Variants in MTAP observed in about 807,000 individuals in gnomAD.
The protein encoded by MTAP is S-methyl-5'-thioadenosine phosphorylase.
Under a neutral mutation model 33.6 loss-of-function variants are expected in MTAP, and 33 were observed. The observed-to-expected ratio is 0.98, with a 90% CI of 0.74 to 1.31. The LOEUF is 1.31. Among genes scored for constraint, MTAP ranks in the 40% most tolerant of loss-of-function variants. The pLI, the probability that MTAP is intolerant of heterozygous loss-of-function variation, is 0.00. For missense variants in MTAP, 367 were observed against 360.0 expected (o/e 1.02, Z -0.16); for synonymous variants, 148 against 125.7 (o/e 1.18, Z -1.19).
chr9:21,898,623 C>T (rs1441328308), intron 1 of MTAP, among the ~76,000 whole-genome samples: 5 of 152,156 alleles, frequency 3.3e-5, no homozygotes, highest in Admixed American at 2.0e-4. Flanking sequence ...CCAACAGACA[C>T]ATGAAAAAAT....
intron 7 of MTAP, chr9:21,861,350 T>TATAC (rs1825748907): frequency 6.6e-6 from 1 of 152,368 alleles, no homozygotes; most frequent in African/African-American, 2.4e-5. Flanking sequence ...TACATACATA[T>TATAC]ACACACACAC....
At chr9:21,867,637 G>C (rs1273422150), downstream of MTAP, among the ~76,000 whole-genome samples, 1 of 151,882 alleles carries the variant, frequency 6.6e-6, no homozygotes, top group East Asian at 1.9e-4. Context: ...AGTCTTGTCA[G>C]GTGTCAGGGC....
chr9:21,820,863 A>C (rs979359318), intron 4 of MTAP, among the ~76,000 whole-genome samples: 1 of 152,098 alleles, frequency 6.6e-6, no homozygotes, highest in Non-Finnish European at 1.5e-5. Context: ...TTGGATTCCT[A>C]GGTATTTTAT....
At chr9:21,818,483 A>G (rs1010099256) in intron 4 of MTAP, among the ~76,000 whole-genome samples, 1 of 151,876 alleles carries the variant, frequency 6.6e-6, no homozygotes, top group Non-Finnish European at 1.5e-5. Flanking sequence ...ACATGCCACA[A>G]TGCCCAGCTA....
downstream of MTAP, among the ~76,000 whole-genome samples, chr9:21,870,278 C>G (rs111427025): frequency 2.0e-5 from 3 of 152,318 alleles, no homozygotes; most frequent in African/African-American, 7.2e-5. Flanking sequence ...CCTACTTACT[C>G]TAGTATTTGT....
chr9:21,834,145 A>T (rs1825043194), intron 4 of MTAP, among the ~76,000 whole-genome samples: 2 of 152,238 alleles, frequency 1.3e-5, no homozygotes. Context: ...CATATTTTCC[A>T]TAAATGATAG....
rs878972045 is a variant in MTAP, at chr9:21,802,660, G to T, written c.-89G>T. 1.3e-5 allele frequency: 19 copies of T among 1,496,976 alleles called. No individual in the cohort carries two copies. The South Asian group carries it at 2.0e-4, about 16-fold the overall frequency. The allele number at this position is 1,496,976 out of a possible 1,614,324, so 92.7% of individuals were successfully genotyped here. ...TCTCCGCACTGCTCACTCCCGCGCAGTGAGGTTGGCACAGCCACCGCTCTG... is the reference window on the plus strand; with the variant it reads ...TCTCCGCACTGCTCACTCCCGCGCATTGAGGTTGGCACAGCCACCGCTCTG... On this transcript the variant is annotated 5_prime_UTR_variant, in exon 1 of 8. Coordinates refer to ENST00000644715, the MANE Select transcript of MTAP (RefSeq NM_002451.4).
At chr9:21,879,604 C>A (rs775915907) in intron 1 of MTAP, among the ~76,000 whole-genome samples, 11 of 152,058 alleles carry the variant, frequency 7.2e-5, no homozygotes, top group Non-Finnish European at 1.3e-4. Context: ...GTGTTGTTAA[C>A]TGGTTACTAT....
intron 1 of MTAP, 91 bp downstream of exon 1, chr9:21,802,872 C>CCCGGCCCGTGCGT: frequency 6.5e-7 from 1 of 1,546,160 alleles, no homozygotes; most frequent in Non-Finnish European, 8.7e-7. Flanking sequence ...GGGCCATGCG[C>CCCGGCCCGTGCGT]CCGGCCCGTG....
intron 1 of MTAP, among the ~76,000 whole-genome samples, chr9:21,889,818 G>T (rs113872834): frequency 1.3e-5 from 2 of 152,296 alleles, no homozygotes; most frequent in African/African-American, 4.8e-5. Context: ...AGTGGACTCT[G>T]TGAAGGTCCT....
At chr9:21,870,356 C>G (rs903481902), downstream of MTAP, among the ~76,000 whole-genome samples, 3 of 152,228 alleles carry the variant, frequency 2.0e-5, no homozygotes, top group African/African-American at 7.2e-5. Flanking sequence ...ACCTCTGTGA[C>G]AGCAGGAAAC....
intron 1 of MTAP, among the ~76,000 whole-genome samples, chr9:21,913,136 A>G (rs1818612406): frequency 6.6e-6 from 1 of 152,244 alleles, no homozygotes; most frequent in Non-Finnish European, 1.5e-5. Flanking sequence ...AAGAGGACAC[A>G]AACAAATAGA....
Position 21,922,756 on chromosome 9 carries a change from G to T in MTAP, c.148-8252G>T, listed in dbSNP as rs764798638. ...AGAACTATTACTCTCAGCCACAGTG[G>T]CTCTGCACCCGCTGGCTGATCTCTC... On this transcript the variant is annotated intron_variant, in intron 1 of 1. Transcript: ENST00000577563. This position sits in a 1 kb window ranked among gnomAD's most constrained non-coding sequence, Gnocchi z 4.8. Among the ~76,000 whole-genome samples, 1 of 152,110 alleles carries T rather than the reference G, an allele frequency of 6.6e-6. No individual in the cohort carries two copies. The highest frequency in any genetic ancestry group is 2.4e-5 in the African/African-American group (1 of 41,404).
At chr9:21,896,682 GGAA>G (rs1428285814) in intron 1 of MTAP, among the ~76,000 whole-genome samples, 2 of 152,090 alleles carry the variant, frequency 1.3e-5, no homozygotes, top group Non-Finnish European at 2.9e-5. Flanking sequence ...GACTAAACCA[GGAA>G]GAAGTTGAAT....
chr9:21,906,002 A>G (rs1818471338), intron 1 of MTAP, among the ~76,000 whole-genome samples: 1 of 152,226 alleles, frequency 6.6e-6, no homozygotes, highest in South Asian at 2.1e-4. Context: ...TGAGAAATTA[A>G]CTGAATAACT....
intron 1 of MTAP, among the ~76,000 whole-genome samples, chr9:21,905,229 G>A (rs1818456485): frequency 6.6e-6 from 1 of 152,148 alleles, no homozygotes; most frequent in African/African-American, 2.4e-5. Context: ...TGAGTGCAAG[G>A]TTTTATTGAG....
chr9:21,876,033 GT>G lies in MTAP; in HGVS notation c.147+21165del, dbSNP rs1826003860. Among the ~76,000 whole-genome samples the G allele has an allele frequency of 2.0e-5, 3 of 152,080 alleles. No individual in the cohort carries two copies. In the South Asian group the frequency reaches 6.2e-4, roughly 31 times the overall value. On this transcript the variant is annotated intron_variant, in intron 1 of 1. Coordinates refer to the MTAP transcript ENST00000577563. Reference sequence around the variant, plus strand: ...TTTCTCCACAACCTCGTCAGCATCTGTTATTTTTTTACTTTTTAATAATAGC... The same window carrying G: ...TTTCTCCACAACCTCGTCAGCATCTGTATTTTTTTACTTTTTAATAATAGC...
At chr9:21,805,556 A>G (rs1239840587) in intron 1 of MTAP, among the ~76,000 whole-genome samples, 1 of 152,178 alleles carries the variant, frequency 6.6e-6, no homozygotes, top group Non-Finnish European at 1.5e-5. Context: ...TGCCTCCAAA[A>G]TCTGTATGTT....
chr9:21,822,443 G>T (rs934003223), intron 4 of MTAP, among the ~76,000 whole-genome samples: 7 of 152,022 alleles, frequency 4.6e-5, no homozygotes, highest in Non-Finnish European at 8.8e-5. Flanking sequence ...AGCAGTTTTG[G>T]GTGAGTTTCT....
Sources: allele counts gnomAD v4.1 joint callset (sites outside exome capture counted in the v4.1 genomes callset), GRCh38; gene constraint gnomAD v4.1.1; non-coding constraint Gnocchi (gnomAD v3.1); transcripts MANE v1.5; gene names NCBI Gene and HGNC (gene_info 2026-07-23, HGNC 2026-07-21).